The following HP1BP3 variants were observed in gnomAD, a reference collection of about 807,000 sequenced individuals.
HP1BP3 encodes heterochromatin protein 1 binding protein 3.
In HP1BP3, 12 loss-of-function variants were observed where a neutral mutation model predicts 62.5. That is an observed-to-expected ratio of 0.19 (90% CI 0.12 to 0.31). The LOEUF (loss-of-function observed/expected upper bound fraction) is 0.31, where lower values mean the gene tolerates loss of function less well. Among genes scored for constraint, HP1BP3 ranks in the 10% least tolerant of loss-of-function variants. The pLI is 1.00. For missense variants in HP1BP3, 502 were observed against 651.8 expected (o/e 0.77, Z 2.50); for synonymous variants, 260 against 237.8 (o/e 1.09, Z -0.86).
intron 6 of HP1BP3, among the ~76,000 whole-genome samples, chr1:20,767,965 CA>C (rs1557660435): frequency 6.6e-6 from 1 of 152,010 alleles, no homozygotes; most frequent in South Asian, 2.1e-4. Flanking sequence ...TAAAAACTTT[CA>C]AAATGAAATA....
At chr1:20,755,597 G>GC (rs1207653037) in intron 9 of HP1BP3, among the ~76,000 whole-genome samples, 1 of 151,886 alleles carries the variant, frequency 6.6e-6, no homozygotes, top group Non-Finnish European at 1.5e-5. Context: ...AACGACTTGA[G>GC]CCCTTATAAA....
intron 3 of HP1BP3, among the ~76,000 whole-genome samples, chr1:20,779,122 A>G (rs1314712516): frequency 6.6e-6 from 1 of 152,116 alleles, no homozygotes; most frequent in Non-Finnish European, 1.5e-5. Flanking sequence ...TCAGCAAATA[A>G]TTGATTCTAA....
intron 8 of HP1BP3, among the ~76,000 whole-genome samples, chr1:20,757,754 C>CT (rs199991863): frequency 0.033 from 5,024 of 152,222 alleles, 119 homozygotes; most frequent in Non-Finnish European, 0.05. Flanking sequence ...AAGGCCAACT[C>CT]TGAGTCTCTA....
intron 5 of HP1BP3, among the ~76,000 whole-genome samples, 198 bp downstream of exon 5, chr1:20,773,253 T>C (rs773013182): frequency 7.2e-5 from 11 of 151,898 alleles, no homozygotes; most frequent in Non-Finnish European, 4.4e-5. Flanking sequence ...TAAATATAAT[T>C]TTTTTAAAAA....
intron 4 of HP1BP3, 172 bp downstream of exon 4, chr1:20,776,425 T>C: frequency 1.7e-6 from 1 of 581,358 alleles, no homozygotes; most frequent in Non-Finnish European, 2.9e-6. Flanking sequence ...CAGCATATTC[T>C]AACAGGTCAA....
Position 20,772,457 on chromosome 1 carries a change from A to G in HP1BP3, c.510+994T>C, listed in dbSNP as rs541901861. On this transcript the variant is annotated intron_variant, in intron 5 of 12. Transcript: ENST00000438032. ...CTTGAAGAAAGGCTATACAAAGAAC[A>G]GAGATTTCACTACAGTGAGGTAATC... Among the ~76,000 whole-genome samples, 11 of 151,506 alleles carry G rather than the reference A, an allele frequency of 7.3e-5. No individual in the cohort carries two copies. In the South Asian group the frequency reaches 2.1e-3, roughly 28 times the overall value.
chr1:20,752,797 T>C (rs1186776037), intron 9 of HP1BP3, among the ~76,000 whole-genome samples: 1 of 152,204 alleles, frequency 6.6e-6, no homozygotes, highest in Non-Finnish European at 1.5e-5. Flanking sequence ...ATCTCAACTT[T>C]TGAATGTCTT....
chr1:20,748,762 TAA>T (rs777290375), intron 10 of HP1BP3, among the ~76,000 whole-genome samples: 10 of 142,018 alleles, frequency 7.0e-5, no homozygotes, highest in East Asian at 6.1e-4. Context: ...AGACTCCGTC[TAA>T]AAAAAAAAAA....
intron 11 of HP1BP3, among the ~76,000 whole-genome samples, chr1:20,747,259 T>G (rs1193230251): frequency 1.3e-5 from 2 of 152,194 alleles, no homozygotes; most frequent in Admixed American, 6.5e-5. Flanking sequence ...GCCCACTTTA[T>G]ATGTGGACTT....
rs1307627139 is a variant in HP1BP3, at chr1:20,740,857, A to G, written c.*3940T>C. 1.3e-5 allele frequency among the ~76,000 whole-genome samples: 2 copies of G among 152,238 alleles called. No individual in the cohort carries two copies. Among genetic ancestry groups the G allele is most frequent in the Admixed American group, 6.5e-5 (1 of 15,278 alleles). ...AAAAGAATATAGTTATAAAGACGGT[A>G]GAGATTAATTTCTTAAGAAAATAAT... On this transcript the variant is annotated 3_prime_UTR_variant, in exon 13 of 13. Transcript: ENST00000438032.
intron 8 of HP1BP3, among the ~76,000 whole-genome samples, chr1:20,762,397 T>C (rs2056533621): frequency 6.6e-6 from 1 of 150,740 alleles, no homozygotes; most frequent in Non-Finnish European, 1.5e-5. Flanking sequence ...GTAAGTAGAG[T>C]AGAACTACAA....
Position 20,782,598 on chromosome 1 carries a change from T to A in HP1BP3, c.-100-2058A>T, listed in dbSNP as rs1431163422. Among the ~76,000 whole-genome samples the A allele has an allele frequency of 7.8e-4, 106 of 135,378 alleles. 1 individual carries two copies. Among genetic ancestry groups the A allele is most frequent in the Middle Eastern group, 5.3e-3 (1 of 188 alleles). The allele number at this position is 135,378 out of a possible 152,430, so 88.8% of individuals were successfully genotyped here. ...AGCCTGCCTCAAGAAAAAAAAATAA[T>A]AATTTAAAAAAAAACACAAAAGGGC... On this transcript the variant is annotated intron_variant, in intron 1 of 12. Coordinates refer to ENST00000438032, the MANE Select transcript of HP1BP3 (RefSeq NM_001372052.1).
At chr1:20,778,041 T>C (rs1324692038) in intron 3 of HP1BP3, among the ~76,000 whole-genome samples, 2 of 152,238 alleles carry the variant, frequency 1.3e-5, no homozygotes, top group African/African-American at 4.8e-5. Context: ...TTGACCTAAA[T>C]GGCTGCATGG....
rs1355513067 is a variant in HP1BP3, at chr1:20,749,880, C to A, written c.984G>T (p.Leu328=). The A allele has an allele frequency of 8.7e-6, 14 of 1,611,264 alleles. No homozygotes were observed. The highest frequency in any genetic ancestry group is 1.2e-5 in the Non-Finnish European group (14 of 1,178,672). The change falls in exon 10 of 13, where the codon CTG becomes CTT. Residue 328 remains leucine (L), a splice_region_variant and synonymous_variant. Coordinates refer to ENST00000438032, the MANE Select transcript of HP1BP3 (RefSeq NM_001372052.1). ...TGKGASGTFQ[L]KKSGEKPLLG... is the part of the protein sequence containing the mutation. ...GCAGGGGTTTCTCCCCTGATTTCTT[C>A]AGCTGTTTTCCAAGGAGGAAGAGAA...
chr1:20,784,510 G>A lies in HP1BP3; in HGVS notation c.-101+2685C>T, dbSNP rs561544032. Among the ~76,000 whole-genome samples, 231 of 120,090 alleles carry A rather than the reference G, an allele frequency of 1.9e-3. 1 individual carries two copies. The highest frequency in any genetic ancestry group is 7.4e-3 in the African/African-American group (219 of 29,512). 78.8% of individuals were successfully genotyped at this position (120,090 alleles called of 152,430 possible). A position where few individuals can be genotyped will look rare whatever the true frequency, so the allele number is the denominator to read the frequency against. On this transcript the variant is annotated intron_variant, in intron 1 of 12. Coordinates refer to ENST00000438032, the MANE Select transcript of HP1BP3 (RefSeq NM_001372052.1). The stretch of plus-strand genomic sequence containing the variant: ...TTTTTTTTTTTTGAGACCGAGTCTT[G>A]CTCTGTCGCCCAGGCTGGAGTGCGG...
At chr1:20,758,431 C>T (rs1159885536) in intron 8 of HP1BP3, among the ~76,000 whole-genome samples, 7 of 151,868 alleles carry the variant, frequency 4.6e-5, no homozygotes, top group South Asian at 4.2e-4. Context: ...CTGCAACCTC[C>T]GCCCCCTCAG....
At chr1:20,783,769 C>CAAAAAAAAAAAA (rs1164930528) in intron 1 of HP1BP3, among the ~76,000 whole-genome samples, 1 of 53,134 alleles carries the variant, frequency 1.9e-5, no homozygotes, top group African/African-American at 8.4e-5. Context: ...GACTCTGTCT[C>CAAAAAAAAAAAA]AAAAAAAAAA....
At chr1:20,753,357 A>G (rs1454112303) in intron 9 of HP1BP3, among the ~76,000 whole-genome samples, 2 of 152,236 alleles carry the variant, frequency 1.3e-5, no homozygotes, top group East Asian at 1.9e-4. Flanking sequence ...ATGTAAAAAA[A>G]TAATAGTATT....
intron 9 of HP1BP3, among the ~76,000 whole-genome samples, chr1:20,750,967 AC>A (rs939684466): frequency 3.3e-5 from 5 of 151,424 alleles, no homozygotes. Flanking sequence ...ACAGGCGCCC[AC>A]CACCAGGTCT....
Sources: gnomAD v4.1 joint callset for allele counts (sites outside exome capture counted in the v4.1 genomes callset) on GRCh38, gnomAD v4.1.1 for gene constraint, MANE v1.5 for transcripts, NCBI Gene and HGNC (gene_info 2026-07-23, HGNC 2026-07-21) for gene names.